CEP57L1: variants seen among roughly 807,000 people sequenced by gnomAD.
CEP57L1 encodes the protein centrosomal protein 57 like 1, also known as centrosomal protein CEP57L1.
Under a neutral mutation model 61.0 loss-of-function variants are expected in CEP57L1, and 37 were observed. The observed-to-expected ratio is 0.61, with a 90% CI of 0.47 to 0.80. The LOEUF (loss-of-function observed/expected upper bound fraction) is 0.80, where lower values mean the gene tolerates loss of function less well. CEP57L1 is among the 30% of genes least tolerant of loss of function. The pLI is 0.00. For missense variants in CEP57L1, 422 were observed against 524.7 expected (o/e 0.80, Z 1.91); for synonymous variants, 137 against 162.3 (o/e 0.84, Z 1.19).
In CEP57L1 at chr6:109,173,880, C is replaced by CCT. The variant is rs1380694230; in HGVS notation, c.*10910_*10911insCT. Among the ~76,000 whole-genome samples the CCT allele has an allele frequency of 4.6e-5, 7 of 151,494 alleles. No individual in the cohort carries two copies. The highest frequency in any genetic ancestry group is 4.6e-4 in the Admixed American group (7 of 15,202). On this transcript the variant is annotated 3_prime_UTR_variant, in exon 11 of 11. Coordinates refer to ENST00000517392, the MANE Select transcript of CEP57L1 (RefSeq NM_001271852.3). Reference sequence around the variant, plus strand: ...TTGGGAGGCAAAGGAAGGTGGATCACTTGAGGTCAGGAGTTTGAGACCAGC... The same window carrying CCT: ...TTGGGAGGCAAAGGAAGGTGGATCACCTTTGAGGTCAGGAGTTTGAGACCAGC...
At chr6:109,132,635 G>A (rs183893851) in intron 1 of CEP57L1, among the ~76,000 whole-genome samples, 7 of 152,230 alleles carry the variant, frequency 4.6e-5, no homozygotes, top group Admixed American at 6.5e-5. Context: ...ATATCTATCT[G>A]TATGTATATA....
At chr6:109,122,013 A>C (rs1773031631) in intron 1 of CEP57L1, among the ~76,000 whole-genome samples, 1 of 152,310 alleles carries the variant, frequency 6.6e-6, no homozygotes, top group Admixed American at 6.5e-5. Context: ...ATATTTTAGA[A>C]ATTTTAGAAA....
intron 1 of CEP57L1, among the ~76,000 whole-genome samples, chr6:109,131,629 G>A (rs1276432854): frequency 6.6e-6 from 1 of 151,616 alleles, no homozygotes; most frequent in African/African-American, 2.4e-5. Flanking sequence ...CAGACTAGAT[G>A]TTCAGAGAAA....
intron 1 of CEP57L1, among the ~76,000 whole-genome samples, chr6:109,132,239 C>G (rs1774276861): frequency 6.6e-6 from 1 of 152,082 alleles, no homozygotes; most frequent in Non-Finnish European, 1.5e-5. Context: ...CAAAGAATTC[C>G]TACAGTTAAA....
rs953512942 is a variant in CEP57L1, at chr6:109,170,700, C to T, written c.*7730C>T. Among the ~76,000 whole-genome samples, 3 of 152,162 alleles carry T rather than the reference C, an allele frequency of 2.0e-5. No individual in the cohort carries two copies. The highest frequency in any genetic ancestry group is 4.4e-5 in the Non-Finnish European group (3 of 68,030). ...AAAAGCTCTCGAGAAGTCTGTGGAACATTTATGGTTTTATAACTTACAATT... is the reference window on the plus strand; with the variant it reads ...AAAAGCTCTCGAGAAGTCTGTGGAATATTTATGGTTTTATAACTTACAATT... On this transcript the variant is annotated 3_prime_UTR_variant, in exon 11 of 11. Transcript: ENST00000517392.
chr6:109,112,254 G>C (rs1391178601), intron 1 of CEP57L1, among the ~76,000 whole-genome samples: 3 of 152,144 alleles, frequency 2.0e-5, no homozygotes, highest in African/African-American at 7.2e-5. Flanking sequence ...AGTCTTGGGA[G>C]GGTGTATGTG....
chr6:109,137,278 T>G (rs931308313), intron 1 of CEP57L1, among the ~76,000 whole-genome samples: 1 of 152,080 alleles, frequency 6.6e-6, no homozygotes, highest in Non-Finnish European at 1.5e-5. Flanking sequence ...CTCACTTAGT[T>G]ATATCATGAC....
Position 109,163,123 on chromosome 6 carries a change from A to C in CEP57L1, c.*153A>C. 1.7e-6 allele frequency: 1 copy of C among 593,338 alleles called. No individual in the cohort carries two copies. Among genetic ancestry groups the C allele is most frequent in the East Asian group, 2.9e-5 (1 of 34,954 alleles). The allele number at this position is 593,338 out of a possible 1,614,324, so 36.8% of individuals were successfully genotyped here. A position where few individuals can be genotyped will look rare whatever the true frequency, so the allele number is the denominator to read the frequency against. Reference sequence around the variant, plus strand: ...TGCAGTATTTAAAAATTAATGCCTAATGACCTGGTGGGTTCCAAATAATAA... The same window carrying C: ...TGCAGTATTTAAAAATTAATGCCTACTGACCTGGTGGGTTCCAAATAATAA... On this transcript the variant is annotated 3_prime_UTR_variant, in exon 11 of 11. Transcript: ENST00000517392.
intron 1 of CEP57L1, among the ~76,000 whole-genome samples, chr6:109,111,031 A>T (rs1771548321): frequency 6.6e-6 from 1 of 152,094 alleles, no homozygotes; most frequent in East Asian, 1.9e-4. Context: ...TTCCATTTGA[A>T]ATTTAAAGTA....
At chr6:109,134,374 A>G (rs1774566482) in intron 1 of CEP57L1, among the ~76,000 whole-genome samples, 1 of 152,202 alleles carries the variant, frequency 6.6e-6, no homozygotes, top group Admixed American at 6.5e-5. Context: ...CCTTCATGCT[A>G]AAAACTCTCA....
rs1257281945 is a variant in CEP57L1, at chr6:109,159,475, A to G, written c.1016+13A>G. The G allele has an allele frequency of 1.2e-6, 2 of 1,601,342 alleles. No homozygotes were observed. The highest frequency in any genetic ancestry group is 1.7e-6 in the Non-Finnish European group (2 of 1,172,590). On this transcript the variant is annotated intron_variant, in intron 9 of 10. Transcript: ENST00000517392. ...ACCAAATGAGCATGTAAGTATTTAT[A>G]TTCTTTTTTTTTTTCAAGAGACAGT...
intron 1 of CEP57L1, among the ~76,000 whole-genome samples, chr6:109,136,111 C>T (rs1316942915): frequency 6.6e-6 from 1 of 152,190 alleles, no homozygotes; most frequent in Non-Finnish European, 1.5e-5. Context: ...AAGACACATG[C>T]ACACGTATGT....
chr6:109,138,875 A>G (rs1771032877), intron 1 of CEP57L1, among the ~76,000 whole-genome samples: 1 of 152,206 alleles, frequency 6.6e-6, no homozygotes, highest in South Asian at 2.1e-4. Flanking sequence ...ACTATGAACA[A>G]TTCTTTTCCT....
intron 10 of CEP57L1, among the ~76,000 whole-genome samples, chr6:109,161,613 T>C (rs772478296): frequency 1.3e-5 from 2 of 152,188 alleles, no homozygotes; most frequent in Non-Finnish European, 2.9e-5. Context: ...TTAAAACAAA[T>C]ATTTTTATTT....
chr6:109,157,970 CA>C (rs1773375755), intron 7 of CEP57L1: 1 of 152,238 alleles, frequency 6.6e-6, no homozygotes, highest in African/African-American at 2.4e-5. Context: ...TATAGCTACA[CA>C]TCCCCTTCCC....
chr6:109,147,442 T>C (rs1772089926), intron 3 of CEP57L1, among the ~76,000 whole-genome samples: 1 of 152,144 alleles, frequency 6.6e-6, no homozygotes, highest in African/African-American at 2.4e-5. Flanking sequence ...GTGGAAATTA[T>C]GAAAAATTTT....
intron 1 of CEP57L1, among the ~76,000 whole-genome samples, chr6:109,118,001 A>G (rs1772500161): frequency 6.6e-6 from 1 of 152,130 alleles, no homozygotes; most frequent in Non-Finnish European, 1.5e-5. Context: ...AGTAATACAT[A>G]TTTTTGTAGG....
chr6:109,123,165 T>A (rs1395180217), intron 1 of CEP57L1, among the ~76,000 whole-genome samples: 2 of 152,168 alleles, frequency 1.3e-5, no homozygotes, highest in Non-Finnish European at 2.9e-5. Flanking sequence ...ACTCATGGCT[T>A]CAGCTGCCAT....
At chr6:109,156,668 G>A (rs930791161) in intron 7 of CEP57L1, 1 of 152,008 alleles carries the variant, frequency 6.6e-6, no homozygotes, top group African/African-American at 2.4e-5. Flanking sequence ...TTTGTTGTGG[G>A]GGACAGGAGA....
Sources: gnomAD v4.1 joint callset for allele counts (sites outside exome capture counted in the v4.1 genomes callset) on GRCh38, gnomAD v4.1.1 for gene constraint, MANE v1.5 for transcripts, NCBI Gene and HGNC (gene_info 2026-07-23, HGNC 2026-07-21) for gene names.